GRIK2: variants seen among roughly 807,000 people sequenced by gnomAD.
GRIK2 encodes the protein glutamate ionotropic receptor kainate type subunit 2.
In GRIK2, 32 loss-of-function variants were observed where a neutral mutation model predicts 100.3. The ratio of observed to expected loss-of-function variants is 0.32; its 90% confidence interval spans 0.24 to 0.43. The LOEUF (loss-of-function observed/expected upper bound fraction) is 0.43. Ranked by LOEUF, GRIK2 falls within the 20% of genes least tolerant of loss-of-function variation. The pLI is 1.00. For synonymous variants in GRIK2, 417 were observed against 389.4 expected, an observed-to-expected ratio of 1.07 and a Z score of -0.83; for missense variants, 843 against 1,114.9, an observed-to-expected ratio of 0.76 and a Z score of 3.47.
intron 14 of GRIK2, among the ~76,000 whole-genome samples, chr6:101,995,829 C>T (rs923076384): frequency 4.6e-5 from 7 of 151,792 alleles, no homozygotes; most frequent in African/African-American, 1.7e-4. Context: ...TATGGTCATA[C>T]CTATTCACAA....
chr6:101,778,760 AT>A (rs1778900340), intron 7 of GRIK2, among the ~76,000 whole-genome samples: 1 of 152,132 alleles, frequency 6.6e-6, no homozygotes, highest in South Asian at 2.1e-4. Flanking sequence ...TATTGTCTTC[AT>A]ACTTTTTTCA....
chr6:101,718,638 G>C (rs749428533), intron 7 of GRIK2, among the ~76,000 whole-genome samples: 1 of 151,768 alleles, frequency 6.6e-6, no homozygotes, highest in Non-Finnish European at 1.5e-5. Context: ...AAAAATCTTC[G>C]AGAGATCATG....
At chr6:101,397,244 T>C (rs895511677) in intron 1 of GRIK2, among the ~76,000 whole-genome samples, 15 of 152,164 alleles carry the variant, frequency 9.9e-5, no homozygotes, top group African/African-American at 3.6e-4. Flanking sequence ...ATGTGAAGGA[T>C]TATTTTTTTC....
At chr6:101,729,361 C>A (rs973459013) in intron 7 of GRIK2, among the ~76,000 whole-genome samples, 2 of 151,932 alleles carry the variant, frequency 1.3e-5, no homozygotes, top group African/African-American at 4.8e-5. Context: ...CACATAGATG[C>A]ACACATGCAG....
intron 2 of GRIK2, among the ~76,000 whole-genome samples, chr6:101,405,317 T>A (rs1465515827): frequency 6.6e-6 from 1 of 151,884 alleles, no homozygotes; most frequent in Non-Finnish European, 1.5e-5. Flanking sequence ...CAAGTTTCAA[T>A]AATAAAACAT....
intron 2 of GRIK2, among the ~76,000 whole-genome samples, chr6:101,611,973 T>C (rs577621478): frequency 1.3e-5 from 2 of 151,998 alleles, no homozygotes; most frequent in South Asian, 4.2e-4. Context: ...AGAAACAAAG[T>C]ATTTACCACT....
At position 101,519,300 on chromosome 6, in the gene GRIK2, CGTGTGTGT is replaced by C. The variant is rs55646921; in HGVS notation, c.116-102610_116-102603del. ...CCTAATGGCGCATTGCGGAGTTAAA[CGTGTGTGT>C]GTGTGTGTGTGTGTGTGTGTGTGTG... On this transcript the variant is annotated intron_variant, in intron 2 of 16. Coordinates refer to ENST00000369134, the MANE Select transcript of GRIK2 (RefSeq NM_021956.5). 7.5e-3 allele frequency among the ~76,000 whole-genome samples: 1,056 copies of C among 141,036 alleles called. 6 individuals carry two copies. Among genetic ancestry groups the C allele is most frequent in the African/African-American group, 0.012 (452 of 38,768 alleles). The allele number at this position is 141,036 out of a possible 152,430, so 92.5% of individuals were successfully genotyped here. A position where few individuals can be genotyped will look rare whatever the true frequency, so the allele number is the denominator to read the frequency against.
chr6:101,435,030 A>C (rs1769635866), intron 2 of GRIK2, among the ~76,000 whole-genome samples: 1 of 152,198 alleles, frequency 6.6e-6, no homozygotes, highest in African/African-American at 2.4e-5. Flanking sequence ...ATAATAGATC[A>C]CATAGTCCCA....
At chr6:101,816,324 A>G (rs1262010652) in intron 9 of GRIK2, among the ~76,000 whole-genome samples, 1 of 152,158 alleles carries the variant, frequency 6.6e-6, no homozygotes, top group East Asian at 1.9e-4. Flanking sequence ...ACAGTCATTC[A>G]CTGCAAAATA....
chr6:101,613,598 A>G (rs977458484), intron 2 of GRIK2, among the ~76,000 whole-genome samples: 1 of 151,786 alleles, frequency 6.6e-6, no homozygotes, highest in Non-Finnish European at 1.5e-5. Flanking sequence ...TTTTTAAACA[A>G]TAAGCTTAAG....
chr6:101,942,998 C>T (rs569854011), intron 14 of GRIK2, among the ~76,000 whole-genome samples: 11 of 152,334 alleles, frequency 7.2e-5, no homozygotes, highest in African/African-American at 1.7e-4. Context: ...CTCCTCCCTT[C>T]GCAGGCCTAG....
intron 2 of GRIK2, among the ~76,000 whole-genome samples, chr6:101,516,836 C>A (rs1033586715): frequency 6.6e-6 from 1 of 152,032 alleles, no homozygotes; most frequent in Non-Finnish European, 1.5e-5. Context: ...GCCTTGTCAA[C>A]CCTTAATATA....
At chr6:101,639,843 A>G (rs2128323903) in intron 4 of GRIK2, among the ~76,000 whole-genome samples, 1 of 152,294 alleles carries the variant, frequency 6.6e-6, no homozygotes, top group East Asian at 1.9e-4. Flanking sequence ...AACAGTATCC[A>G]CTAGGATAGT....
chr6:101,523,720 CTTTTTTTT>C (rs1163558120), intron 2 of GRIK2, among the ~76,000 whole-genome samples: 3 of 121,546 alleles, frequency 2.5e-5, no homozygotes. Context: ...ACTCCTAAGT[CTTTTTTTT>C]TTTTTTTTTT....
intron 14 of GRIK2, among the ~76,000 whole-genome samples, chr6:102,012,531 GTAT>G (rs1266197963): frequency 6.6e-6 from 1 of 151,974 alleles, no homozygotes; most frequent in Non-Finnish European, 1.5e-5. Flanking sequence ...ATTCATCAGA[GTAT>G]TATACTTTTT....
At chr6:101,858,111 C>A (rs1724464915) in intron 10 of GRIK2, among the ~76,000 whole-genome samples, 1 of 152,152 alleles carries the variant, frequency 6.6e-6, no homozygotes. Flanking sequence ...ATTTTGTCTT[C>A]TCTTATCTTA....
At chr6:101,595,247 G>A (rs1778862086) in intron 2 of GRIK2, among the ~76,000 whole-genome samples, 1 of 151,672 alleles carries the variant, frequency 6.6e-6, no homozygotes, top group African/African-American at 2.4e-5. Context: ...ACAGACAGAA[G>A]GAGGGGAGTG....
chr6:101,619,918 G>A (rs374927022), intron 2 of GRIK2, among the ~76,000 whole-genome samples: 2 of 152,124 alleles, frequency 1.3e-5, no homozygotes, highest in African/African-American at 4.8e-5. Context: ...TCTTTGACCA[G>A]AGGGGTAATT....
intron 10 of GRIK2, among the ~76,000 whole-genome samples, chr6:101,848,000 A>G (rs1374606928): frequency 6.6e-6 from 1 of 152,122 alleles, no homozygotes; most frequent in Non-Finnish European, 1.5e-5. Flanking sequence ...CTCCTTATGC[A>G]GATGAACCAA....
Sources: allele counts gnomAD v4.1 joint callset (sites outside exome capture counted in the v4.1 genomes callset), GRCh38; gene constraint gnomAD v4.1.1; transcripts MANE v1.5; gene names NCBI Gene and HGNC (gene_info 2026-07-23, HGNC 2026-07-21).